CPSF3: variants seen among roughly 807,000 people sequenced by gnomAD.
CPSF3 encodes the protein cleavage and polyadenylation specificity factor subunit 3.
In CPSF3, 57 loss-of-function variants were observed where a neutral mutation model predicts 84.1. The ratio of observed to expected loss-of-function variants is 0.68; its 90% CI spans 0.55 to 0.85. CPSF3 has a LOEUF of 0.85. Ranked by LOEUF, CPSF3 falls within the 40% of genes least tolerant of loss-of-function variation. CPSF3 has a pLI of 0.00. For synonymous variants in CPSF3, 275 were observed against 278.1 expected (o/e 0.99, Z 0.11); for missense variants, 522 against 838.8 (o/e 0.62, Z 4.66).
chr2:9,427,687 G>T (rs186092025), intron 1 of CPSF3, among the ~76,000 whole-genome samples: 9 of 152,228 alleles, frequency 5.9e-5, no homozygotes, highest in Admixed American at 5.9e-4. Context: ...TTGAGGTCAG[G>T]GTCCCTGTAA....
At position 9,455,644 on chromosome 2, in the gene CPSF3, T is replaced by G; in HGVS notation, c.1505-15T>G. On this transcript the variant is annotated splice_polypyrimidine_tract_variant and intron_variant, in intron 12 of 17. Coordinates refer to ENST00000238112, the MANE Select transcript of CPSF3 (RefSeq NM_016207.4). ...GACTAGTATTTCTTCAAGTCTCTTC[T>G]CATTTTCTCTTCAGATTATACTGAC... 1 of 1,590,208 alleles carries G rather than the reference T, an allele frequency of 6.3e-7. No homozygotes were observed. Among genetic ancestry groups the G allele is most frequent in the East Asian group, 2.2e-5 (1 of 44,734 alleles).
At chr2:9,439,820 C>CAA (rs941827947) in intron 7 of CPSF3, among the ~76,000 whole-genome samples, 1 of 141,312 alleles carries the variant, frequency 7.1e-6, no homozygotes, top group Admixed American at 7.2e-5. Context: ...GACCCAGTCT[C>CAA]AAAAAAAAAA....
chr2:9,469,389 C>T (rs73158025), intron 16 of CPSF3, among the ~76,000 whole-genome samples: 164 of 152,266 alleles, frequency 1.1e-3, no homozygotes, highest in African/African-American at 3.8e-3. Flanking sequence ...TGTTGCTGAC[C>T]AGGGACTTGA....
chr2:9,454,316 G>A (rs1391635597), intron 12 of CPSF3, among the ~76,000 whole-genome samples: 1 of 152,132 alleles, frequency 6.6e-6, no homozygotes, highest in Admixed American at 6.6e-5. Context: ...GCTGTGGCAA[G>A]AGAGTTGCTT....
At position 9,432,614 on chromosome 2, in the gene CPSF3, A is replaced by C; in HGVS notation, c.445A>C (p.Ile149Leu). The C allele has an allele frequency of 1.9e-6, 3 of 1,592,526 alleles. No homozygotes were observed. Among genetic ancestry groups the C allele is most frequent in the Non-Finnish European group, 2.6e-6 (3 of 1,163,860 alleles). ...TCATGAAGTTAAGGAAGTTGCGGGA[A>C]TCAAGTTTTGGTGTTACCATGCAGG... ...NFHEVKEVAG[I>L]KFWCYHAGHV... The change falls in exon 5 of 18, where the codon ATC (isoleucine) becomes CTC (leucine). Residue 149 changes from isoleucine (I) to leucine (L), a missense_variant. Physicochemically the swap from Ile to Leu is conservative, Grantham distance 5. This residue lies in a region of CPSF3 where 329 missense variants were observed against 607.2 expected (regional missense o/e 0.54). Coordinates refer to ENST00000238112, the MANE Select transcript of CPSF3 (RefSeq NM_016207.4).
In CPSF3 at chr2:9,443,676, T is replaced by G; in HGVS notation, c.1242+15T>G. 4 of 1,610,918 alleles carry G rather than the reference T, an allele frequency of 2.5e-6. No individual in the cohort carries two copies. The highest frequency in any genetic ancestry group is 3.4e-6 in the Non-Finnish European group (4 of 1,178,344). On this transcript the variant is annotated intron_variant, in intron 10 of 17. Transcript: ENST00000238112. ...CGCCTCATGTGGTTAGTCTATGAAT[T>G]TCATTTATTGTATTAAAGGGAAAAA...
At chr2:9,450,611 A>G (rs1681294174) in intron 11 of CPSF3, among the ~76,000 whole-genome samples, 1 of 152,050 alleles carries the variant, frequency 6.6e-6, no homozygotes, top group Non-Finnish European at 1.5e-5. Context: ...AACATGGAGA[A>G]ACCCTGTCTC....
At chr2:9,430,115 G>A (rs1680529383) in intron 3 of CPSF3, 95 bp downstream of exon 3, 1 of 739,326 alleles carries the variant, frequency 1.4e-6, no homozygotes, top group South Asian at 2.0e-5. Flanking sequence ...TTTTAAAAGA[G>A]TGTTTTCTGC....
chr2:9,431,217 C>CA (rs1372777362), intron 4 of CPSF3, among the ~76,000 whole-genome samples: 1 of 152,202 alleles, frequency 6.6e-6, no homozygotes, highest in African/African-American at 2.4e-5. Context: ...CCACCACACC[C>CA]AGCAGAGTTT....
Position 9,468,877 on chromosome 2 carries a change from T to TGAGA in CPSF3, c.1856+1102_1856+1103insAGAG, listed in dbSNP as rs1271879273. 2.2e-3 allele frequency among the ~76,000 whole-genome samples: 337 copies of TGAGA among 152,238 alleles called. No individual in the cohort carries two copies. In the Middle Eastern group the frequency reaches 0.024, roughly 11 times the overall value. On this transcript the variant is annotated intron_variant, in intron 16 of 17. Transcript: ENST00000238112. ...TCCTGACCTCATGAGCCACCTGCCT[T>TGAGA]GGTCTCCCAAAGTGCTGGGATTAGA...
chr2:9,466,961 C>T (rs1050500521), intron 15 of CPSF3, among the ~76,000 whole-genome samples: 3 of 152,144 alleles, frequency 2.0e-5, no homozygotes, highest in Admixed American at 1.3e-4. Context: ...ATAGTGCTAC[C>T]GTGGAGATTT....
intron 11 of CPSF3, among the ~76,000 whole-genome samples, chr2:9,452,325 CAAAAAA>C: frequency 1.4e-5 from 1 of 72,812 alleles, no homozygotes; most frequent in African/African-American, 3.6e-5. Context: ...GACACTGTCT[CAAAAAA>C]AAAAAAAAAA....
chr2:9,437,789 C>T (rs1680836479), intron 7 of CPSF3, among the ~76,000 whole-genome samples: 1 of 152,114 alleles, frequency 6.6e-6, no homozygotes, highest in Non-Finnish European at 1.5e-5. Context: ...TCACTTGAGC[C>T]CAGGAATTTA....
intron 11 of CPSF3, among the ~76,000 whole-genome samples, chr2:9,448,854 C>T (rs1681217015): frequency 1.3e-5 from 2 of 152,110 alleles, no homozygotes; most frequent in African/African-American, 4.8e-5. Flanking sequence ...CGTGCCCGGC[C>T]TAGATTAGAT....
At chr2:9,430,058 A>ACTTTTACT (rs773555689) in intron 3 of CPSF3, 38 bp downstream of exon 3, 1 of 1,172,652 alleles carries the variant, frequency 8.5e-7, no homozygotes, top group East Asian at 2.6e-5. Context: ...TTTTTCACGG[A>ACTTTTACT]CTTTTACTAT....
intron 14 of CPSF3, 42 bp downstream of exon 14, chr2:9,457,069 T>C: frequency 8.5e-7 from 1 of 1,179,600 alleles, no homozygotes; most frequent in Non-Finnish European, 1.2e-6. Context: ...GGGAAAAAAG[T>C]TTTAAAAAGA....
chr2:9,466,759 C>T (rs1681995660), intron 15 of CPSF3, among the ~76,000 whole-genome samples: 1 of 152,214 alleles, frequency 6.6e-6, no homozygotes, highest in South Asian at 2.1e-4. Context: ...TGGAATCATA[C>T]AATATATAGC....
intron 16 of CPSF3, among the ~76,000 whole-genome samples, chr2:9,470,164 G>A (rs1682112827): frequency 6.6e-6 from 1 of 152,242 alleles, no homozygotes; most frequent in African/African-American, 2.4e-5. Context: ...AGAGGTTGCA[G>A]TGGGCCGAGA....
intron 1 of CPSF3, among the ~76,000 whole-genome samples, chr2:9,425,607 G>T (rs142981745): frequency 6.6e-6 from 1 of 152,296 alleles, no homozygotes; most frequent in Non-Finnish European, 1.5e-5. Flanking sequence ...AGGCAGGGCA[G>T]AGAGGATGTT....
Sources: gnomAD v4.1 joint callset for allele counts (sites outside exome capture counted in the v4.1 genomes callset) on GRCh38, gnomAD v4.1.1 for gene constraint, gnomAD v4.1.1 regional missense constraint, MANE v1.5 for transcripts, NCBI Gene and HGNC (gene_info 2026-07-23, HGNC 2026-07-21) for gene names.